Variants in ODF2L observed in about 807,000 individuals in gnomAD.
ODF2L encodes the protein protein BCAP.
In ODF2L, 76 loss-of-function variants were observed where a neutral mutation model predicts 86.3. That is an observed-to-expected ratio of 0.88 (90% confidence interval 0.73 to 1.07). ODF2L has a LOEUF of 1.07. Ranked by LOEUF, ODF2L falls within the 50% of genes least tolerant of loss-of-function variation. The pLI, the probability that ODF2L is intolerant of heterozygous loss-of-function variation, is 0.00. For missense variants in ODF2L, 748 were observed against 717.4 expected (o/e 1.04, Z -0.49); for synonymous variants, 241 against 231.3 (o/e 1.04, Z -0.38).
At chr1:86,360,191 A>C (rs1467483708) in intron 12 of ODF2L, among the ~76,000 whole-genome samples, 1 of 152,192 alleles carries the variant, frequency 6.6e-6, no homozygotes, top group East Asian at 1.9e-4. Flanking sequence ...AATTCATTTT[A>C]AATCTACTTT....
chr1:86,366,999 C>A (rs914900745), intron 11 of ODF2L, among the ~76,000 whole-genome samples: 3 of 151,978 alleles, frequency 2.0e-5, no homozygotes, highest in African/African-American at 7.3e-5. Context: ...AAGTACTTAG[C>A]ACAAAGGACT....
At chr1:86,395,287 T>G (rs1263276640) in intron 1 of ODF2L, among the ~76,000 whole-genome samples, 2 of 152,188 alleles carry the variant, frequency 1.3e-5, no homozygotes, top group African/African-American at 4.8e-5. Flanking sequence ...AGCCCCAGTA[T>G]GGTTATTCTC....
At chr1:86,352,742 G>C (rs1658230242) in intron 17 of ODF2L, 117 bp downstream of exon 16, 1 of 617,020 alleles carries the variant, frequency 1.6e-6, no homozygotes, top group Admixed American at 3.3e-5. Flanking sequence ...TATATTGCTT[G>C]TTATTTTTAA....
chr1:86,356,187 T>C (rs1658547197), intron 14 of ODF2L, among the ~76,000 whole-genome samples: 1 of 151,898 alleles, frequency 6.6e-6, no homozygotes, highest in Non-Finnish European at 1.5e-5. Flanking sequence ...TCTCATTCTA[T>C]TACCATGTCT....
intron 8 of ODF2L, 90 bp from the exon 9 acceptor site, chr1:86,372,630 A>C: frequency 1.6e-6 from 1 of 630,934 alleles, no homozygotes; most frequent in South Asian, 3.0e-5. Flanking sequence ...ATAAACAGGG[A>C]AGCAATCTTC....
chr1:86,367,852 TC>T (rs1659549513), intron 11 of ODF2L, among the ~76,000 whole-genome samples: 1 of 152,192 alleles, frequency 6.6e-6, no homozygotes, highest in Non-Finnish European at 1.5e-5. Flanking sequence ...ATCCTTATTT[TC>T]CAAATAAAAG....
intron 7 of ODF2L, chr1:86,381,858 T>G (rs1473758243): frequency 6.5e-6 from 1 of 153,570 alleles, no homozygotes; most frequent in African/African-American, 2.4e-5. Context: ...AAAGTATGTA[T>G]GTATATATGT....
At chr1:86,396,290 A>AT (rs1379256552) in exon 1 of ODF2L, 1 of 152,380 alleles carries the variant, frequency 6.6e-6, no homozygotes, top group Non-Finnish European at 1.5e-5. Flanking sequence ...AAGTGGAACA[A>AT]AAGCGCAGCT....
intron 11 of ODF2L, among the ~76,000 whole-genome samples, chr1:86,365,742 G>A (rs1659360015): frequency 6.6e-6 from 1 of 152,134 alleles, no homozygotes; most frequent in Non-Finnish European, 1.5e-5. Context: ...AATGAATCAG[G>A]AGTGGATTTA....
chr1:86,384,877 CAA>C, intron 3 of ODF2L, 76 bp from the exon 4 acceptor site: 1 of 1,156,946 alleles, frequency 8.6e-7, no homozygotes, highest in African/African-American at 1.6e-5. Flanking sequence ...TATTATCAAA[CAA>C]TATTTTTTCC....
At position 86,372,464 on chromosome 1, in the gene ODF2L, GT is replaced by G; in HGVS notation, c.886del (p.Thr296ProfsTer10). On this transcript the variant is annotated frameshift_variant, in exon 9 of 18. Coordinates refer to ENST00000317336, the Ensembl canonical transcript of ODF2L. LOFTEE classifies it high-confidence loss of function. ...TGTTTCAATCTGTACTTCCAATTCG[GT>G]TTTTTCTATCACAATTTTCTCATAA... 1 of 1,509,036 alleles carries G rather than the reference GT, an allele frequency of 6.6e-7. No homozygotes were observed. Among genetic ancestry groups the G allele is most frequent in the African/African-American group, 1.4e-5 (1 of 69,994 alleles). 93.5% of individuals were successfully genotyped at this position (1,509,036 alleles called of 1,614,324 possible).
intron 1 of ODF2L, among the ~76,000 whole-genome samples, chr1:86,387,632 C>T (rs780898672): frequency 6.6e-6 from 1 of 152,124 alleles, no homozygotes; most frequent in South Asian, 2.1e-4. Flanking sequence ...AAAGACCAGA[C>T]AGATGACATT....
In ODF2L at chr1:86,365,180, T is replaced by C. The variant is rs571767355; in HGVS notation, c.1143+3456A>G. 2.6e-5 allele frequency among the ~76,000 whole-genome samples: 4 copies of C among 152,338 alleles called. No homozygotes were observed. In the South Asian group the frequency reaches 8.3e-4, roughly 32 times the overall value. On this transcript the variant is annotated intron_variant, in intron 11 of 17. Transcript: ENST00000317336. ...TTAATCTCTCTGAGCTTCAAGGTAT[T>C]CATCCATAATTAAGAAAAGTATCTT...
intron 1 of ODF2L, among the ~76,000 whole-genome samples, chr1:86,390,568 T>C (rs1475005184): frequency 6.6e-6 from 1 of 152,018 alleles, no homozygotes; most frequent in Non-Finnish European, 1.5e-5. Flanking sequence ...ATAAACAGAA[T>C]TAAAAACAAA....
At chr1:86,386,837 C>G in intron 2 of ODF2L, 78 bp downstream of exon 2, 1 of 703,184 alleles carries the variant, frequency 1.4e-6, no homozygotes, top group East Asian at 2.7e-5. Flanking sequence ...GTATTTGATT[C>G]AAATAATTTA....
chr1:86,384,886 T>C (rs564240650), intron 3 of ODF2L, 85 bp from the exon 4 acceptor site: 1 of 1,079,316 alleles, frequency 9.3e-7, no homozygotes, highest in East Asian at 3.2e-5. Context: ...ACAATATTTT[T>C]TCCTACTAAA....
intron 1 of ODF2L, among the ~76,000 whole-genome samples, chr1:86,392,434 G>A (rs1309756773): frequency 2.6e-5 from 4 of 151,682 alleles, no homozygotes; most frequent in African/African-American, 9.7e-5. Flanking sequence ...AAAAAACTGT[G>A]ATATACATAT....
intron 7 of ODF2L, among the ~76,000 whole-genome samples, chr1:86,378,916 T>C (rs1660370011): frequency 6.6e-6 from 1 of 151,984 alleles, no homozygotes; most frequent in Non-Finnish European, 1.5e-5. Flanking sequence ...GTGTTGGAGC[T>C]GGGGCCTGGT....
rs1359088238 is a variant in ODF2L, at chr1:86,360,592, C to A, written c.1144-56G>T. The A allele has an allele frequency of 4.2e-6, 3 of 709,440 alleles. No individual in the cohort carries two copies. In the African/African-American group the frequency reaches 5.5e-5, roughly 13 times the overall value. 43.9% of individuals were successfully genotyped at this position (709,440 alleles called of 1,614,324 possible). Reference sequence around the variant, plus strand: ...ATTAGAATACATTTATACTCCAGTGCTACAGAATTATTATAAAAACATAAC... The same window carrying A: ...ATTAGAATACATTTATACTCCAGTGATACAGAATTATTATAAAAACATAAC... On this transcript the variant is annotated intron_variant, in intron 11 of 17. Transcript: ENST00000317336.
Sources: allele counts gnomAD v4.1 joint callset (sites outside exome capture counted in the v4.1 genomes callset), GRCh38; gene constraint gnomAD v4.1.1; transcripts MANE v1.5; gene names NCBI Gene and HGNC (gene_info 2026-07-23, HGNC 2026-07-21).